Variants in NSDHL observed in about 807,000 individuals in gnomAD.
The protein encoded by NSDHL is sterol-4-alpha-carboxylate 3-dehydrogenase, decarboxylating.
Under a neutral mutation model 23.0 loss-of-function variants are expected in NSDHL, and 1 was observed. The ratio of observed to expected loss-of-function variants is 0.04; its 90% CI spans 0.02 to 0.21. The LOEUF is 0.21. NSDHL is among the 10% of genes least tolerant of loss of function. The probability of loss-of-function intolerance (pLI) is 1.00; values close to 1 mark genes in which losing one functional copy is unlikely to be tolerated. For synonymous variants in NSDHL, 128 were observed against 121.1 expected, an observed-to-expected ratio of 1.06 and a Z score of -0.37; for missense variants, 237 against 300.9, an observed-to-expected ratio of 0.79 and a Z score of 1.57.
chrX:152,842,781 C>T lies in NSDHL; in HGVS notation c.-43-3501C>T, dbSNP rs1337798312. ...CCTCCCAAAGTACTGAGATTACATG[C>T]GTGATCCACCACGCCCAGCCTGTTG... On this transcript the variant is annotated intron_variant, in intron 1 of 7. Coordinates refer to ENST00000370274, the MANE Select transcript of NSDHL (RefSeq NM_015922.3). 2.7e-5 allele frequency among the ~76,000 whole-genome samples: 3 copies of T among 112,449 alleles called. No homozygotes were observed. In the Admixed American group the frequency reaches 2.8e-4, roughly 11 times the overall value.
Position 152,844,129 on chromosome X carries a change from T to C in NSDHL, c.-43-2153T>C, listed in dbSNP as rs782686813. 8.9e-5 allele frequency among the ~76,000 whole-genome samples: 10 copies of C among 112,124 alleles called. No individual in the cohort carries two copies. The South Asian group carries it at 3.4e-3, about 38-fold the overall frequency. On this transcript the variant is annotated intron_variant, in intron 1 of 7. Transcript: ENST00000370274. ...ACAGGAAGCTGTGTTACAATGATAA[T>C]AAAATTAGCTGCCTTGAATGGCGTG...
intron 3 of NSDHL, among the ~76,000 whole-genome samples, chrX:152,857,784 G>A: frequency 9.0e-6 from 1 of 111,640 alleles, no homozygotes; most frequent in Non-Finnish European, 1.9e-5. Flanking sequence ...GAATGCTTTT[G>A]TTCTTAGGAG....
intron 3 of NSDHL, among the ~76,000 whole-genome samples, chrX:152,851,253 T>A (rs1933352286): frequency 8.9e-6 from 1 of 112,348 alleles, no homozygotes; most frequent in South Asian, 3.7e-4. Context: ...CTGAGAAGTA[T>A]GAAGTGGTGC....
intron 7 of NSDHL, 32 bp from the exon 8 acceptor site, chrX:152,868,751 GT>G (rs1556848434): frequency 8.6e-7 from 1 of 1,167,382 alleles, no homozygotes; most frequent in Admixed American, 2.2e-5. Context: ...TGGGGGTGGT[GT>G]TTCTAACTTC....
chrX:152,835,616 A>G (rs1556843999), intron 1 of NSDHL, among the ~76,000 whole-genome samples: 1 of 111,049 alleles, frequency 9.0e-6, no homozygotes, highest in African/African-American at 3.3e-5. Context: ...ATGCCCCTAC[A>G]AAGGACATGA....
intron 7 of NSDHL, 40 bp from the exon 8 acceptor site, chrX:152,868,744 G>C: frequency 4.5e-6 from 5 of 1,115,098 alleles, no homozygotes; most frequent in Non-Finnish European, 4.9e-6. Flanking sequence ...GGGCAGGTGG[G>C]GGTGGTGTTT....
chrX:152,832,140 A>G (rs370760857), intron 1 of NSDHL, among the ~76,000 whole-genome samples: 2 of 111,515 alleles, frequency 1.8e-5, no homozygotes, highest in South Asian at 3.8e-4. Context: ...CTCATGTGCC[A>G]GCCACACTCC....
At chrX:152,851,626 A>G (rs1414482152) in intron 3 of NSDHL, among the ~76,000 whole-genome samples, 9 of 110,185 alleles carry the variant, frequency 8.2e-5, no homozygotes, top group Non-Finnish European at 1.7e-4. Flanking sequence ...GACATCTTTC[A>G]TGCTCATCAT....
At chrX:152,857,729 T>G (rs1459398390) in intron 3 of NSDHL, among the ~76,000 whole-genome samples, 2 of 111,919 alleles carry the variant, frequency 1.8e-5, no homozygotes, top group Non-Finnish European at 3.8e-5. Context: ...ACATCATATC[T>G]GTTAAGTTTC....
At chrX:152,852,697 T>C (rs954742178) in intron 3 of NSDHL, among the ~76,000 whole-genome samples, 2 of 111,024 alleles carry the variant, frequency 1.8e-5, no homozygotes, top group East Asian at 5.7e-4. Context: ...TCCACAAACC[T>C]GCCCACATCC....
chrX:152,836,024 G>A (rs1438202008), intron 1 of NSDHL, among the ~76,000 whole-genome samples: 9 of 112,238 alleles, frequency 8.0e-5, no homozygotes, highest in African/African-American at 2.9e-4. Context: ...TCTCATTGTG[G>A]TTTTGATTTG....
At chrX:152,831,901 C>T (rs1007526088) in intron 1 of NSDHL, among the ~76,000 whole-genome samples, 4 of 111,231 alleles carry the variant, frequency 3.6e-5, no homozygotes, top group Non-Finnish European at 7.5e-5. Flanking sequence ...GAGAAAGGCC[C>T]GAGGCTTATT....
chrX:152,859,016 G>T, intron 4 of NSDHL, 100 bp downstream of exon 4: 1 of 721,780 alleles, frequency 1.4e-6, no homozygotes, highest in Non-Finnish European at 2.1e-6. Flanking sequence ...CCTAGGCGGG[G>T]TTGCTTCTTA....
chrX:152,851,514 A>G (rs1414643896), intron 3 of NSDHL, among the ~76,000 whole-genome samples: 1 of 111,172 alleles, frequency 9.0e-6, no homozygotes, highest in Admixed American at 9.6e-5. Flanking sequence ...GTCATTCGCT[A>G]TATGGTTTGT....
intron 3 of NSDHL, among the ~76,000 whole-genome samples, chrX:152,853,584 C>T (rs1402319500): frequency 1.8e-5 from 2 of 111,865 alleles, no homozygotes; most frequent in African/African-American, 6.5e-5. Flanking sequence ...GGCGTCCAGT[C>T]CCATGTCAAG....
In NSDHL at chrX:152,868,824, C is replaced by G. The variant is rs782209702; in HGVS notation, c.830C>G (p.Thr277Arg). ...AATGATGAGCCCATCCCTTTCTGGACATTCCTGTCTCGCATCCTGACAGGC... is the reference window on the plus strand; with the variant it reads ...AATGATGAGCCCATCCCTTTCTGGAGATTCCTGTCTCGCATCCTGACAGGC... ...ITNDEPIPFWTFLSRILTGLN... is the reference protein window; with the variant it reads ...ITNDEPIPFWRFLSRILTGLN... The change falls in exon 8 of 8, where the codon ACA (threonine) becomes AGA (arginine). Residue 277 changes from threonine to arginine, a missense_variant. Thr to Arg is a moderately conservative substitution (Grantham distance 71, BLOSUM62 -1). Coordinates refer to ENST00000370274, the MANE Select transcript of NSDHL (RefSeq NM_015922.3). The G allele has an allele frequency of 8.3e-7, 1 of 1,211,474 alleles. No individual in the cohort carries two copies. The highest frequency in any genetic ancestry group is 2.2e-5 in the Admixed American group (1 of 46,087).
intron 3 of NSDHL, among the ~76,000 whole-genome samples, chrX:152,853,570 C>T (rs1927315880): frequency 9.0e-6 from 1 of 111,670 alleles, no homozygotes; most frequent in Admixed American, 9.5e-5. Flanking sequence ...CAGAAGCCTC[C>T]AGTGGCGTCC....
intron 1 of NSDHL, among the ~76,000 whole-genome samples, chrX:152,834,189 G>C (rs1933057158): frequency 8.9e-6 from 1 of 112,257 alleles, no homozygotes; most frequent in African/African-American, 3.2e-5. Context: ...TCCCTGGGGA[G>C]GGGGAGGAAG....
chrX:152,869,230 C>T lies in NSDHL; in HGVS notation c.*114C>T, dbSNP rs1415326481. 1 of 645,326 alleles carries T rather than the reference C, an allele frequency of 1.5e-6. No homozygotes were observed. The highest frequency in any genetic ancestry group is 2.5e-6 in the Non-Finnish European group (1 of 403,711). The allele number at this position is 645,326 out of a possible 1,213,427, so 53.2% of individuals were successfully genotyped here. ...GTTTGCTCTGAGCCTGTGACTCCTT[C>T]TGCTAGGCAGAGAGCGCACCCTACT... On this transcript the variant is annotated 3_prime_UTR_variant, in exon 8 of 8. Coordinates refer to ENST00000370274, the MANE Select transcript of NSDHL (RefSeq NM_015922.3).
Sources: allele counts gnomAD v4.1 joint callset (sites outside exome capture counted in the v4.1 genomes callset), GRCh38; gene constraint gnomAD v4.1.1; transcripts MANE v1.5; gene names NCBI Gene and HGNC (gene_info 2026-07-23, HGNC 2026-07-21).